The following VAT1L variants were observed in gnomAD, a reference collection of about 807,000 sequenced individuals.
VAT1L encodes the protein vesicle amine transport 1 like, also known as putative NADPH-dependent quinone oxidoreductase VAT1L.
A neutral mutation model predicts 44.1 loss-of-function variants in VAT1L; 34 were observed. The ratio of observed to expected loss-of-function variants is 0.77; its 90% confidence interval spans 0.59 to 1.03. VAT1L has a LOEUF of 1.03. Ranked by LOEUF, VAT1L falls within the 50% of genes least tolerant of loss-of-function variation. The pLI is 0.00. For synonymous variants in VAT1L, 253 were observed against 202.2 expected, an observed-to-expected ratio of 1.25 and a Z score of -2.13; for missense variants, 615 against 538.8, an observed-to-expected ratio of 1.14 and a Z score of -1.40.
chr16:77,936,871 CTTGTTTGTTTGT>C (rs142846091), intron 7 of VAT1L, among the ~76,000 whole-genome samples: 8 of 150,506 alleles, frequency 5.3e-5, no homozygotes, highest in East Asian at 4.0e-4. Flanking sequence ...TGTTTGGTTT[CTTGTTTGTTTGT>C]TTGTTTGTTT....
rs2016933107 is a variant in VAT1L at position 77,863,018 on chromosome 16, A to C, written c.722+128A>C. ...CATATATTGGGGGCTTAGTATTATT[A>C]GCTCTGTGCCAAATATTTCACACGC... On this transcript the variant is annotated intron_variant, in intron 4 of 8. Transcript: ENST00000302536. The C allele has an allele frequency of 2.6e-6, 3 of 1,171,630 alleles. No homozygotes were observed. In the Admixed American group the frequency reaches 7.9e-5, roughly 31 times the overall value. The allele number at this position is 1,171,630 out of a possible 1,614,324, so 72.6% of individuals were successfully genotyped here.
At chr16:77,844,631 A>G (rs1305535192) in intron 3 of VAT1L, among the ~76,000 whole-genome samples, 3 of 151,630 alleles carry the variant, frequency 2.0e-5, no homozygotes, top group Non-Finnish European at 4.4e-5. Flanking sequence ...CTGGTCTCAA[A>G]CTCCTGACCT....
At chr16:77,944,485 G>A (rs548151662) in intron 7 of VAT1L, among the ~76,000 whole-genome samples, 24 of 152,170 alleles carry the variant, frequency 1.6e-4, no homozygotes, top group African/African-American at 5.5e-4. Flanking sequence ...TTAAATCCTC[G>A]CTCTTCCACT....
intron 8 of VAT1L, among the ~76,000 whole-genome samples, chr16:77,977,051 C>A (rs751152975): frequency 6.6e-6 from 1 of 152,184 alleles, no homozygotes; most frequent in African/African-American, 2.4e-5. Flanking sequence ...GGGTCCCCTG[C>A]GCTCCAGGGG....
At chr16:77,824,678 C>A (rs1424062312) in intron 2 of VAT1L, among the ~76,000 whole-genome samples, 1 of 150,024 alleles carries the variant, frequency 6.7e-6, no homozygotes, top group Non-Finnish European at 1.5e-5. Context: ...ATAGCGTGAA[C>A]CCAGGAGGCA....
chr16:77,961,412 C>T, intron 7 of VAT1L, among the ~76,000 whole-genome samples: 1 of 152,184 alleles, frequency 6.6e-6, no homozygotes, highest in South Asian at 2.1e-4. Flanking sequence ...CTTACCTTGC[C>T]CTACTCCTGG....
At chr16:77,842,462 C>T (rs761084770) in intron 3 of VAT1L, among the ~76,000 whole-genome samples, 19 of 152,078 alleles carry the variant, frequency 1.2e-4, no homozygotes, top group African/African-American at 4.3e-4. Context: ...ACAGAACCAA[C>T]GAAAGTAATT....
intron 7 of VAT1L, among the ~76,000 whole-genome samples, chr16:77,915,926 T>C (rs2017547409): frequency 1.3e-5 from 2 of 152,140 alleles, no homozygotes; most frequent in Admixed American, 6.5e-5. Flanking sequence ...TGTGGGTAAA[T>C]GAAGGCTAAT....
intron 7 of VAT1L, among the ~76,000 whole-genome samples, chr16:77,962,750 A>AGGAAGGAAGGAAGGAG (rs1294066195): frequency 3.3e-5 from 5 of 150,844 alleles, no homozygotes; most frequent in African/African-American, 1.2e-4. Flanking sequence ...GAAGGAAGGA[A>AGGAAGGAAGGAAGGAG]GGAAGGAAGG....
At chr16:77,817,197 G>A (rs1182105532) in intron 2 of VAT1L, 147 bp downstream of exon 2, 2 of 1,271,206 alleles carry the variant, frequency 1.6e-6, no homozygotes, top group Admixed American at 5.4e-5. Flanking sequence ...AATGTTTATA[G>A]TCATTAAGGT....
rs73564445 is a variant in VAT1L, at chr16:77,921,346, A to G, written c.1077+36544A>G. On this transcript the variant is annotated intron_variant, in intron 7 of 8. Transcript: ENST00000302536. ...TGCACTGAGACGTGTTGCATTAAGA[A>G]GCAGCTCTATTGTGTATCTCATACG... Among the ~76,000 whole-genome samples the G allele has an allele frequency of 6.1e-3, 934 of 152,308 alleles. 6 individuals are homozygous for G. The highest frequency in any genetic ancestry group is 0.021 in the African/African-American group (885 of 41,578).
At chr16:77,909,416 A>C (rs1597094011) in intron 7 of VAT1L, among the ~76,000 whole-genome samples, 1 of 151,950 alleles carries the variant, frequency 6.6e-6, no homozygotes, top group Non-Finnish European at 1.5e-5. Flanking sequence ...GCAGGCAGAT[A>C]CCTTGAGGTC....
At chr16:77,804,786 A>T (rs1477007549) in intron 1 of VAT1L, among the ~76,000 whole-genome samples, 1 of 152,124 alleles carries the variant, frequency 6.6e-6, no homozygotes, top group Non-Finnish European at 1.5e-5. Context: ...GGTGGTCTTT[A>T]GCTCCAGCAG....
At position 77,788,585 on chromosome 16, in the gene VAT1L, C is replaced by T; in HGVS notation, c.-98C>T. ...AGCCATTGCACAGCCGAGCATCCCA[C>T]ATTCAACAGGAGGAACCCGCGGGAG... On this transcript the variant is annotated 5_prime_UTR_variant, in exon 1 of 9. Coordinates refer to ENST00000302536, the MANE Select transcript of VAT1L (RefSeq NM_020927.3). 3 of 1,375,568 alleles carry T rather than the reference C, an allele frequency of 2.2e-6. No homozygotes were observed. The highest frequency in any genetic ancestry group is 3.0e-6 in the Non-Finnish European group (3 of 1,008,374). 85.2% of individuals were successfully genotyped at this position (1,375,568 alleles called of 1,614,324 possible). A position where few individuals can be genotyped will look rare whatever the true frequency, so the allele number is the denominator to read the frequency against.
intron 7 of VAT1L, among the ~76,000 whole-genome samples, chr16:77,945,594 C>G (rs539410962): frequency 3.8e-4 from 57 of 151,846 alleles, no homozygotes; most frequent in Non-Finnish European, 7.2e-4. Context: ...CTGGCCAGAA[C>G]TTTTTTCAAT....
At chr16:77,929,928 A>C (rs1226077709) in intron 7 of VAT1L, among the ~76,000 whole-genome samples, 1 of 152,178 alleles carries the variant, frequency 6.6e-6, no homozygotes, top group Non-Finnish European at 1.5e-5. Flanking sequence ...GTTTGAGACT[A>C]GCCTGGGCAA....
At chr16:77,921,088 A>C (rs1356046909) in intron 7 of VAT1L, among the ~76,000 whole-genome samples, 7 of 152,212 alleles carry the variant, frequency 4.6e-5, no homozygotes, top group Admixed American at 4.6e-4. Flanking sequence ...CATTGCCTCG[A>C]AGGGCTACCT....
chr16:77,838,413 C>T (rs895852761), intron 3 of VAT1L, among the ~76,000 whole-genome samples: 9 of 152,204 alleles, frequency 5.9e-5, no homozygotes, highest in Admixed American at 5.2e-4. Flanking sequence ...CCTGGCCCCC[C>T]ATCACCCAGG....
intron 7 of VAT1L, among the ~76,000 whole-genome samples, chr16:77,915,314 T>TA (rs1443010557): frequency 6.6e-6 from 1 of 152,316 alleles, no homozygotes; most frequent in Non-Finnish European, 1.5e-5. Flanking sequence ...TCTATGTCAG[T>TA]AAAAAATTAT....
Sources: allele counts gnomAD v4.1 joint callset (sites outside exome capture counted in the v4.1 genomes callset), GRCh38; gene constraint gnomAD v4.1.1; transcripts MANE v1.5; gene names NCBI Gene and HGNC (gene_info 2026-07-23, HGNC 2026-07-21).